HCN1: variants seen among roughly 807,000 people sequenced by gnomAD.
The protein encoded by HCN1 is potassium/sodium hyperpolarization-activated cyclic nucleotide-gated channel 1.
HCN1 carries 13 observed loss-of-function variants against 78.9 expected under a neutral mutation model. The ratio of observed to expected loss-of-function variants is 0.16; its 90% confidence interval spans 0.11 to 0.26. The LOEUF is 0.26. Among genes scored for constraint, HCN1 ranks in the 10% least tolerant of loss-of-function variants. HCN1 has a pLI of 1.00. For synonymous variants in HCN1, 552 were observed against 455.5 expected (o/e 1.21, Z -2.70); for missense variants, 810 against 1,154.3 (o/e 0.70, Z 4.32).
At chr5:45,549,574 G>T (rs1743314454) in intron 2 of HCN1, among the ~76,000 whole-genome samples, 1 of 152,108 alleles carries the variant, frequency 6.6e-6, no homozygotes, top group Admixed American at 6.6e-5. Flanking sequence ...TACCATTCAG[G>T]ACATAGGCAT....
At chr5:45,426,926 C>T (rs997097426) in intron 3 of HCN1, among the ~76,000 whole-genome samples, 3 of 152,112 alleles carry the variant, frequency 2.0e-5, no homozygotes, top group African/African-American at 7.2e-5. Flanking sequence ...TTCTATGTCA[C>T]ATGAAAGGTA....
intron 2 of HCN1, among the ~76,000 whole-genome samples, chr5:45,600,866 A>C (rs975118661): frequency 1.3e-5 from 2 of 152,148 alleles, no homozygotes; most frequent in Admixed American, 6.6e-5. Flanking sequence ...GTATTTAAAC[A>C]TGGTTTTGCA....
chr5:45,344,721 G>A (rs114262321), intron 5 of HCN1, among the ~76,000 whole-genome samples: 5,411 of 152,278 alleles, frequency 0.036, 344 homozygotes, highest in African/African-American at 0.12. Context: ...AGGTGGGCTC[G>A]CATGGCCTTG....
intron 4 of HCN1, among the ~76,000 whole-genome samples, chr5:45,372,924 G>C (rs1747450665): frequency 7.4e-6 from 1 of 135,292 alleles, no homozygotes; most frequent in Non-Finnish European, 1.6e-5. Flanking sequence ...AAATATACAC[G>C]TATTTTATAC....
intron 2 of HCN1, among the ~76,000 whole-genome samples, chr5:45,493,974 T>C (rs1178794340): frequency 3.3e-5 from 5 of 152,328 alleles, no homozygotes; most frequent in South Asian, 2.1e-4. Context: ...TGTATATGTT[T>C]CACATTTTCT....
rs1561230533 is a variant in HCN1 at position 45,645,380 on chromosome 5, T to C, written c.654A>G (p.Leu218=). ...LDPKVIKMNY[L]KSWFVVDFIS... ...TGAAGTCAACCACAAACCAGCTTTT[T>C]AAATAATTCATCTTGATCACTTTGG... The change falls in exon 2 of 8, where the codon TTA becomes TTG. Residue 218 remains leucine (L), a synonymous_variant. Coordinates refer to ENST00000303230, the MANE Select transcript of HCN1 (RefSeq NM_021072.4). The C allele has an allele frequency of 1.9e-6, 3 of 1,613,698 alleles. No individual in the cohort carries two copies. Among genetic ancestry groups the C allele is most frequent in the Non-Finnish European group, 2.5e-6 (3 of 1,179,804 alleles).
At chr5:45,263,167 T>C (rs1350394514) in intron 7 of HCN1, among the ~76,000 whole-genome samples, 4 of 152,202 alleles carry the variant, frequency 2.6e-5, no homozygotes, top group Admixed American at 2.6e-4. Flanking sequence ...AGTTACTTTT[T>C]CAAGAAAGGA....
intron 3 of HCN1, among the ~76,000 whole-genome samples, chr5:45,450,679 A>T (rs1389909326): frequency 6.6e-6 from 1 of 152,184 alleles, no homozygotes; most frequent in South Asian, 2.1e-4. Context: ...CCTGTATAGG[A>T]ATTATTGTAA....
intron 3 of HCN1, among the ~76,000 whole-genome samples, chr5:45,411,884 G>A (rs571369264): frequency 6.6e-6 from 1 of 152,024 alleles, no homozygotes; most frequent in South Asian, 2.1e-4. Flanking sequence ...AATTTTTGAA[G>A]GGAGCACACC....
At chr5:45,278,133 C>T (rs1745100496) in intron 6 of HCN1, among the ~76,000 whole-genome samples, 1 of 152,078 alleles carries the variant, frequency 6.6e-6, no homozygotes, top group African/African-American at 2.4e-5. Flanking sequence ...GAGTGCCTGA[C>T]TCATACACAT....
chr5:45,455,899 G>A (rs1277812168), intron 3 of HCN1, among the ~76,000 whole-genome samples: 1 of 151,722 alleles, frequency 6.6e-6, no homozygotes, highest in Non-Finnish European at 1.5e-5. Flanking sequence ...CTAACTGAAA[G>A]GCAGCTAGAA....
intron 2 of HCN1, among the ~76,000 whole-genome samples, chr5:45,595,295 A>G (rs1370166494): frequency 6.6e-6 from 1 of 152,174 alleles, no homozygotes; most frequent in African/African-American, 2.4e-5. Context: ...GTAGCTCTGA[A>G]GACAATCAAA....
Position 45,426,452 on chromosome 5 carries a change from T to C in HCN1, c.1012-29742A>G, listed in dbSNP as rs553248492. Among the ~76,000 whole-genome samples, 45 of 152,306 alleles carry C rather than the reference T, an allele frequency of 3.0e-4. No individual in the cohort carries two copies. In the South Asian group the frequency reaches 8.9e-3, roughly 30 times the overall value. On this transcript the variant is annotated intron_variant, in intron 3 of 7. Coordinates refer to ENST00000303230, the MANE Select transcript of HCN1 (RefSeq NM_021072.4). ...GGACCTGGTGGAGGTAATTGAATCGTGGTTGTGAGTTTTACCTGTGCTGTT... is the reference window on the plus strand; with the variant it reads ...GGACCTGGTGGAGGTAATTGAATCGCGGTTGTGAGTTTTACCTGTGCTGTT...
chr5:45,323,812 G>A (rs749744165), intron 5 of HCN1, among the ~76,000 whole-genome samples: 3 of 151,868 alleles, frequency 2.0e-5, no homozygotes, highest in Non-Finnish European at 4.4e-5. Flanking sequence ...AGAACATGTG[G>A]TGTTTGGTTT....
intron 2 of HCN1, among the ~76,000 whole-genome samples, chr5:45,480,785 A>G (rs953381163): frequency 5.3e-5 from 8 of 152,326 alleles, no homozygotes; most frequent in African/African-American, 1.9e-4. Flanking sequence ...AGAAACCTAC[A>G]AAGGAAAACA....
At chr5:45,515,003 C>T (rs957343721) in intron 2 of HCN1, among the ~76,000 whole-genome samples, 1 of 151,756 alleles carries the variant, frequency 6.6e-6, no homozygotes, top group Non-Finnish European at 1.5e-5. Context: ...TGGTAATATG[C>T]TTTCTTATTT....
chr5:45,314,952 A>C (rs892499558), intron 5 of HCN1, among the ~76,000 whole-genome samples: 1 of 152,046 alleles, frequency 6.6e-6, no homozygotes, highest in Non-Finnish European at 1.5e-5. Flanking sequence ...TAGACTCCCA[A>C]ACAATAATAA....
chr5:45,341,112 G>A (rs957749451), intron 5 of HCN1, among the ~76,000 whole-genome samples: 1 of 152,148 alleles, frequency 6.6e-6, no homozygotes, highest in Non-Finnish European at 1.5e-5. Flanking sequence ...TGTAAAGAAT[G>A]CTTCACAGAA....
At chr5:45,466,514 C>G (rs7717787) in intron 2 of HCN1, among the ~76,000 whole-genome samples, 77,964 of 151,838 alleles carry the variant, frequency 0.51, 21,624 homozygotes, top group African/African-American at 0.72. Flanking sequence ...AGAGAACATT[C>G]TATTTTAAAA....
Sources: allele counts gnomAD v4.1 joint callset (sites outside exome capture counted in the v4.1 genomes callset), GRCh38; gene constraint gnomAD v4.1.1; transcripts MANE v1.5; gene names NCBI Gene and HGNC (gene_info 2026-07-23, HGNC 2026-07-21).